The following RSPRY1 variants were observed in gnomAD, a reference collection of about 807,000 sequenced individuals.
RSPRY1 encodes ring finger and SPRY domain containing 1.
In RSPRY1, 23 loss-of-function variants were observed where a neutral mutation model predicts 73.1. The observed-to-expected ratio is 0.31, with a 90% CI of 0.23 to 0.45. The LOEUF (loss-of-function observed/expected upper bound fraction) is 0.45. RSPRY1 is among the 20% of genes least tolerant of loss of function. RSPRY1 has a pLI of 1.00. For synonymous variants in RSPRY1, 226 were observed against 251.4 expected (o/e 0.90, Z 0.95); for missense variants, 448 against 698.7 (o/e 0.64, Z 4.05).
chr16:57,189,098 A>G (rs930233698), intron 1 of RSPRY1, among the ~76,000 whole-genome samples: 6 of 151,384 alleles, frequency 4.0e-5, no homozygotes, highest in Admixed American at 2.6e-4. Flanking sequence ...GGTTCAAGCA[A>G]TTCTTCTGCC....
intron 7 of RSPRY1, chr16:57,216,644 C>T: frequency 2.3e-6 from 1 of 437,906 alleles, no homozygotes; most frequent in South Asian, 2.6e-5. Context: ...CACTTGAGCC[C>T]AGTAGTTCAA....
chr16:57,197,869 G>T (rs1289887098), intron 1 of RSPRY1, among the ~76,000 whole-genome samples: 1 of 151,986 alleles, frequency 6.6e-6, no homozygotes. Context: ...GACCACAGGT[G>T]TGCACTACCA....
At chr16:57,233,337 G>C (rs913949259) in intron 13 of RSPRY1, among the ~76,000 whole-genome samples, 1 of 152,042 alleles carries the variant, frequency 6.6e-6, no homozygotes, top group South Asian at 2.1e-4. Context: ...CACAGCCACT[G>C]CTTCTCCCTC....
At chr16:57,230,540 A>C (rs2075199222) in intron 11 of RSPRY1, among the ~76,000 whole-genome samples, 171 bp from the exon 12 acceptor site, 1 of 152,238 alleles carries the variant, frequency 6.6e-6, no homozygotes, top group Admixed American at 6.5e-5. Context: ...TTACATTAAA[A>C]TATTGGTGTA....
At chr16:57,206,213 A>G in intron 2 of RSPRY1, among the ~76,000 whole-genome samples, 1 of 152,102 alleles carries the variant, frequency 6.6e-6, no homozygotes, top group East Asian at 1.9e-4. Flanking sequence ...AGACCAGCCT[A>G]GGCAACATAG....
intron 6 of RSPRY1, among the ~76,000 whole-genome samples, chr16:57,215,256 G>A (rs2074918577): frequency 6.6e-6 from 1 of 152,204 alleles, no homozygotes; most frequent in South Asian, 2.1e-4. Flanking sequence ...AGTGTTCAGA[G>A]ATAGGACACA....
intron 1 of RSPRY1, among the ~76,000 whole-genome samples, chr16:57,194,580 GA>G (rs1352902904): frequency 6.6e-6 from 1 of 151,962 alleles, no homozygotes; most frequent in African/African-American, 2.4e-5. Context: ...GGGAGGGTTG[GA>G]AAAAAAGTCA....
chr16:57,222,961 C>T (rs1196981319), intron 10 of RSPRY1, among the ~76,000 whole-genome samples: 1 of 152,010 alleles, frequency 6.6e-6, no homozygotes, highest in African/African-American at 2.4e-5. Flanking sequence ...TAGTTGCAGA[C>T]CTTTGGCTTG....
intron 13 of RSPRY1, among the ~76,000 whole-genome samples, chr16:57,233,205 C>T (rs1003904368): frequency 6.6e-6 from 1 of 152,048 alleles, no homozygotes; most frequent in African/African-American, 2.4e-5. Context: ...GTCTGTAATT[C>T]TTCCATTCAT....
At chr16:57,233,184 A>G (rs1220707478) in intron 13 of RSPRY1, among the ~76,000 whole-genome samples, 1 of 152,054 alleles carries the variant, frequency 6.6e-6, no homozygotes. Flanking sequence ...TCTGTGTTGT[A>G]TATACTCTCT....
At chr16:57,192,713 T>TC (rs202227420) in intron 1 of RSPRY1, among the ~76,000 whole-genome samples, 5,431 of 148,172 alleles carry the variant, frequency 0.037, 114 homozygotes, top group Middle Eastern at 0.1. Flanking sequence ...AGACTCTTTT[T>TC]TTTTTTTTTT....
chr16:57,235,747 G>A (rs143383585), intron 14 of RSPRY1, among the ~76,000 whole-genome samples: 13 of 152,302 alleles, frequency 8.5e-5, no homozygotes, highest in Middle Eastern at 3.4e-3. Flanking sequence ...AATGTGTGCC[G>A]ATTGTTTATG....
chr16:57,211,431 C>T lies in RSPRY1; in HGVS notation c.517-1541C>T, dbSNP rs550799067. Among the ~76,000 whole-genome samples, 14 of 152,148 alleles carry T rather than the reference C, an allele frequency of 9.2e-5. No individual in the cohort carries two copies. In the East Asian group the frequency reaches 2.5e-3, roughly 27 times the overall value. ...CTAAAAATACAAAAATTAGCCAGCA[C>T]GATGGCGTGCACCTGTAATCCCAGC... On this transcript the variant is annotated intron_variant, in intron 4 of 14. Coordinates refer to ENST00000394420, the MANE Select transcript of RSPRY1 (RefSeq NM_133368.3).
chr16:57,211,880 C>T (rs568541829), intron 4 of RSPRY1, among the ~76,000 whole-genome samples: 5 of 152,156 alleles, frequency 3.3e-5, no homozygotes, highest in Admixed American at 6.5e-5. Context: ...TGCCCAGCCT[C>T]AATTCTGGCA....
chr16:57,212,358 T>C (rs1421556172), intron 4 of RSPRY1, among the ~76,000 whole-genome samples: 1 of 152,176 alleles, frequency 6.6e-6, no homozygotes, highest in Non-Finnish European at 1.5e-5. Context: ...TAAAACTTTT[T>C]TTAAAGTAAC....
At chr16:57,206,708 G>A (rs1260407809) in intron 2 of RSPRY1, among the ~76,000 whole-genome samples, 5 of 152,036 alleles carry the variant, frequency 3.3e-5, no homozygotes, top group East Asian at 1.9e-4. Flanking sequence ...GACTACAGGC[G>A]TGTGCTACTG....
intron 8 of RSPRY1, among the ~76,000 whole-genome samples, chr16:57,219,278 C>T (rs2074996551): frequency 6.6e-6 from 1 of 152,196 alleles, no homozygotes; most frequent in South Asian, 2.1e-4. Flanking sequence ...TTCCTACTAC[C>T]AGTGTACAAG....
chr16:57,237,631 A>C (rs1173589743), intron 14 of RSPRY1, among the ~76,000 whole-genome samples: 4 of 152,246 alleles, frequency 2.6e-5, no homozygotes, highest in Non-Finnish European at 5.9e-5. Flanking sequence ...ATACTTCCAT[A>C]ACAATACAAA....
intron 13 of RSPRY1, among the ~76,000 whole-genome samples, chr16:57,232,684 G>T (rs1434739776): frequency 6.6e-6 from 1 of 152,220 alleles, no homozygotes; most frequent in African/African-American, 2.4e-5. Context: ...TTAGTTAACT[G>T]CTCCTGCAGA....
Sources: allele counts gnomAD v4.1 joint callset (sites outside exome capture counted in the v4.1 genomes callset), GRCh38; gene constraint gnomAD v4.1.1; transcripts MANE v1.5; gene names NCBI Gene and HGNC (gene_info 2026-07-23, HGNC 2026-07-21).